Variants in BTBD2 observed in about 807,000 individuals in gnomAD.
BTBD2 encodes the protein BTB domain containing 2.
In BTBD2, 15 loss-of-function variants were observed where a neutral mutation model predicts 44.0. That is an observed-to-expected ratio of 0.34 (90% CI 0.23 to 0.53). BTBD2 has a LOEUF of 0.53. BTBD2 is among the 20% of genes least tolerant of loss of function. The pLI, the probability that BTBD2 is intolerant of heterozygous loss-of-function variation, is 0.95. For synonymous variants in BTBD2, 443 were observed against 335.9 expected (o/e 1.32, Z -3.49); for missense variants, 657 against 746.4 (o/e 0.88, Z 1.39).
rs767899840 is a variant in BTBD2, at chr19:1,987,631, G to A, written c.1050C>T (p.Thr350=). 1.7e-5 allele frequency: 27 copies of A among 1,612,476 alleles called. No individual in the cohort carries two copies. The highest frequency in any genetic ancestry group is 1.7e-4 in the Middle Eastern group (1 of 6,058). Residue 350 remains threonine (T), a synonymous_variant, in exon 6 of 9, where the codon ACC becomes ACT. Coordinates refer to ENST00000255608, the MANE Select transcript of BTBD2 (RefSeq NM_017797.4). ...ACTCCACTCGTGGCTTGGGGTTGAC[G>A]GTGAAGTGCAGGAAGAGGCTGACCA... is the stretch of plus-strand genomic sequence containing the variant. ...REVVSLFLHF[T]VNPKPRVEFI...
intron 1 of BTBD2, among the ~76,000 whole-genome samples, chr19:1,998,289 C>T (rs772567591): frequency 1.5e-4 from 23 of 152,306 alleles, no homozygotes; most frequent in Non-Finnish European, 2.9e-4. Flanking sequence ...ACCAAATGGC[C>T]GAACAGCCCC....
intron 1 of BTBD2, among the ~76,000 whole-genome samples, chr19:2,006,506 C>CAAA (rs549277311): frequency 6.0e-4 from 67 of 111,382 alleles, no homozygotes; most frequent in African/African-American, 1.8e-3. Context: ...GACTCCGTCT[C>CAAA]AAAAAAAAAA....
At position 1,990,046 on chromosome 19, in the gene BTBD2, G is replaced by GGCCCAGGGCCTT. The variant is rs2016151056; in HGVS notation, c.934_945dup (p.Lys312_Gly315dup). 9.9e-6 allele frequency: 16 copies of GGCCCAGGGCCTT among 1,613,360 alleles called. No homozygotes were observed. The highest frequency in any genetic ancestry group is 1.4e-5 in the Non-Finnish European group (16 of 1,180,034). ...ATGGTCATGAGCGGGAAGCGAATGA[G>GGCCCAGGGCCTT]GCCCAGGGCCTTGCCCAGAACCTTC... On this transcript the variant is annotated inframe_insertion, in exon 5 of 9. Coordinates refer to ENST00000255608, the MANE Select transcript of BTBD2 (RefSeq NM_017797.4).
At chr19:1,992,432 G>A (rs975508412) in intron 3 of BTBD2, among the ~76,000 whole-genome samples, 3 of 151,872 alleles carry the variant, frequency 2.0e-5, no homozygotes, top group Admixed American at 2.0e-4. Flanking sequence ...TAGAAACGGG[G>A]TCTCTCTATG....
chr19:1,986,553 C>A lies in BTBD2; in HGVS notation c.1513G>T (p.Ala505Ser), dbSNP rs771716940. Residue 505 changes from alanine to serine, a missense_variant, in exon 9 of 9, where the codon GCC becomes TCC. By Grantham distance (99) the Ala-to-Ser change is moderately conservative. This residue lies in a region of BTBD2 where 449 missense variants were observed against 510.9 expected (regional missense o/e 0.88). Coordinates refer to ENST00000255608, the MANE Select transcript of BTBD2 (RefSeq NM_017797.4). ...ACGGATGTGCCATTGTTGTTCCCGGCCGCGTAGCAAAAGGTGAAGCAGGTC... is the reference window on the plus strand; with the variant it reads ...ACGGATGTGCCATTGTTGTTCCCGGACGCGTAGCAAAAGGTGAAGCAGGTC... ...AKTCFTFCYA[A>S]GNNNGTSVED... is the part of the protein sequence containing the mutation. 6.2e-7 allele frequency: 1 copy of A among 1,614,104 alleles called. No homozygotes were observed. The highest frequency in any genetic ancestry group is 1.1e-5 in the South Asian group (1 of 91,092).
At chr19:1,997,806 TCATTCACACATG>T (rs1352031296) in intron 1 of BTBD2, among the ~76,000 whole-genome samples, 6 of 152,234 alleles carry the variant, frequency 3.9e-5, no homozygotes, top group African/African-American at 1.2e-4. Context: ...TCACACGTGT[TCATTCACACATG>T]CATTCACACA....
Position 1,990,194 on chromosome 19 carries a change from C to G in BTBD2, c.798G>C (p.Leu266=), listed in dbSNP as rs778296336. 3.0e-5 allele frequency: 48 copies of G among 1,597,518 alleles called. No individual in the cohort carries two copies. Among genetic ancestry groups the G allele is most frequent in the Non-Finnish European group, 3.7e-5 (43 of 1,173,054 alleles). ...GTGTGTCGCGCTCCAGGACAGCCAC[C>G]AGCGTGTCTGTGGGGTGGAGGAAGG... ...EGFTDIDLDT[L]VAVLERDTLG... is the part of the protein sequence containing the mutation. The change falls in exon 5 of 9, where the codon CTG becomes CTC. Residue 266 remains leucine, a synonymous_variant. Coordinates refer to ENST00000255608, the MANE Select transcript of BTBD2 (RefSeq NM_017797.4).
chr19:1,986,260 G>C lies in BTBD2; in HGVS notation c.*228C>G. 1 of 560,536 alleles carries C rather than the reference G, an allele frequency of 1.8e-6. No homozygotes were observed. The highest frequency in any genetic ancestry group is 2.0e-5 in the South Asian group (1 of 49,564). The allele number at this position is 560,536 out of a possible 1,614,324, so 34.7% of individuals were successfully genotyped here. ...AGTCCTGAGGGATTGTCTCCACAGG[G>C]CCTGGCCACTGGCCTGGCCACCTCC... is the stretch of plus-strand genomic sequence containing the variant. On this transcript the variant is annotated 3_prime_UTR_variant, in exon 9 of 9. Transcript: ENST00000255608.
chr19:1,990,754 G>A lies in BTBD2; in HGVS notation c.753C>T (p.Asp251=), dbSNP rs146922665. ...CGGTGAAGCCCTCCGCGGTGATGGC[G>A]TCTGCAGTGTTTTTGTCGATGTTCT... The part of the protein sequence containing the change: ...CLENIDKNTA[D]AITAEGFTDI... The change falls in exon 4 of 9, where the codon GAC becomes GAT. Residue 251 remains aspartate, a synonymous_variant. Coordinates refer to ENST00000255608, the MANE Select transcript of BTBD2 (RefSeq NM_017797.4). 1,452 of 1,603,134 alleles carry A rather than the reference G, an allele frequency of 9.1e-4. 3 individuals carry two copies. The highest frequency in any genetic ancestry group is 3.3e-3 in the Middle Eastern group (20 of 5,978).
At chr19:1,995,075 C>G (rs1360320460) in intron 2 of BTBD2, among the ~76,000 whole-genome samples, 4 of 151,950 alleles carry the variant, frequency 2.6e-5, no homozygotes, top group South Asian at 2.1e-4. Flanking sequence ...TCAAGCGATT[C>G]TCCTGCCTCA....
At chr19:1,989,889 C>T (rs1261367804) in intron 5 of BTBD2, 115 bp downstream of exon 5, 14 of 1,218,164 alleles carry the variant, frequency 1.1e-5, no homozygotes, top group Non-Finnish European at 1.6e-5. Flanking sequence ...TCTGTATATG[C>T]CAGGCATCTG....
intron 1 of BTBD2, among the ~76,000 whole-genome samples, chr19:2,006,471 C>A (rs1421463393): frequency 6.7e-6 from 1 of 149,404 alleles, no homozygotes. Context: ...TGTGCCACTG[C>A]ACTCCAGCCT....
intron 1 of BTBD2, among the ~76,000 whole-genome samples, chr19:2,002,330 T>C (rs2016339806): frequency 6.6e-6 from 1 of 152,216 alleles, no homozygotes; most frequent in Admixed American, 6.5e-5. Flanking sequence ...ATCCTCCCAG[T>C]TCAGCTGCCC....
chr19:1,994,035 A>C, intron 2 of BTBD2, among the ~76,000 whole-genome samples: 1 of 108,212 alleles, frequency 9.2e-6, no homozygotes. Flanking sequence ...AAAGCAGCAC[A>C]GGCCGGCCTG....
chr19:1,989,567 T>G, intron 5 of BTBD2: 1 of 251,642 alleles, frequency 4.0e-6, no homozygotes, highest in East Asian at 1.1e-4. Flanking sequence ...GGAGGCATCG[T>G]TAGCGCTGCC....
At chr19:2,005,779 C>T (rs1040548587) in intron 1 of BTBD2, among the ~76,000 whole-genome samples, 2 of 97,400 alleles carry the variant, frequency 2.1e-5, no homozygotes, top group African/African-American at 1.3e-4. Flanking sequence ...AAAACTCCGT[C>T]TCAAAAAAAA....
At chr19:1,994,703 G>A (rs2016227723) in intron 2 of BTBD2, among the ~76,000 whole-genome samples, 1 of 152,178 alleles carries the variant, frequency 6.6e-6, no homozygotes, top group Non-Finnish European at 1.5e-5. Context: ...AGGTTGCAGT[G>A]AGCCAGGATC....
chr19:1,998,353 G>A (rs1027481197), intron 1 of BTBD2, among the ~76,000 whole-genome samples: 1 of 152,346 alleles, frequency 6.6e-6, no homozygotes, highest in East Asian at 1.9e-4. Flanking sequence ...GCAAGGCCCA[G>A]GGAAGCCCTG....
chr19:1,992,550 T>G lies in BTBD2; in HGVS notation c.684+470A>C, dbSNP rs113400818. 5.2e-3 allele frequency among the ~76,000 whole-genome samples: 783 copies of G among 151,940 alleles called. 6 individuals are homozygous for G. The highest frequency in any genetic ancestry group is 0.017 in the African/African-American group (714 of 41,436). On this transcript the variant is annotated intron_variant, in intron 3 of 8. Coordinates refer to ENST00000255608, the MANE Select transcript of BTBD2 (RefSeq NM_017797.4). ...CCACCGCACCCTGCCAATAATTTTT[T>G]GAAGTATCACGGAAAAGTCCAAAAC...
Sources: gnomAD v4.1 joint callset for allele counts (sites outside exome capture counted in the v4.1 genomes callset) on GRCh38, gnomAD v4.1.1 for gene constraint, gnomAD v4.1.1 regional missense constraint, MANE v1.5 for transcripts, NCBI Gene and HGNC (gene_info 2026-07-23, HGNC 2026-07-21) for gene names.